The following SH3PXD2A variants were observed in gnomAD, a reference collection of about 807,000 sequenced individuals.
SH3PXD2A encodes the protein SH3 and PX domain-containing protein 2A.
SH3PXD2A carries 32 observed loss-of-function variants against 115.2 expected under a neutral mutation model. The observed-to-expected ratio is 0.28, with a 90% CI of 0.21 to 0.37. SH3PXD2A has a LOEUF of 0.37. Ranked by LOEUF, SH3PXD2A falls within the 10% of genes least tolerant of loss-of-function variation. SH3PXD2A has a pLI of 1.00. For synonymous variants in SH3PXD2A, 610 were observed against 629.1 expected (o/e 0.97, Z 0.45); for missense variants, 1,328 against 1,498.7 (o/e 0.89, Z 1.88).
chr10:103,671,332 CTT>C (rs1017151347), intron 6 of SH3PXD2A, among the ~76,000 whole-genome samples: 4 of 152,280 alleles, frequency 2.6e-5, no homozygotes, highest in Admixed American at 6.5e-5. Context: ...TCCAATAAAA[CTT>C]TATTTATAAA....
At chr10:103,616,052 G>C (rs969395024) in intron 11 of SH3PXD2A, among the ~76,000 whole-genome samples, 1 of 150,808 alleles carries the variant, frequency 6.6e-6, no homozygotes, top group African/African-American at 2.4e-5. Context: ...GGGTAGGGGC[G>C]GGGGGTGTGG....
At position 103,595,700 on chromosome 10, in the gene SH3PXD2A, G is replaced by A. The variant is rs2133893328; in HGVS notation, c.*6116C>T. The A allele has an allele frequency of 6.5e-6, 1 of 152,726 alleles. No homozygotes were observed. The highest frequency in any genetic ancestry group is 2.1e-4 in the South Asian group (1 of 4,818). 9.5% of individuals were successfully genotyped at this position (152,726 alleles called of 1,614,324 possible). On this transcript the variant is annotated 3_prime_UTR_variant, in exon 15 of 15. Coordinates refer to ENST00000369774, the MANE Select transcript of SH3PXD2A (RefSeq NM_001394015.1). ...GAGTTCTAGGACTGGAGTAGGAGAG[G>A]GTGCTGTTGTCAAGGTTAAGTGCAA...
intron 1 of SH3PXD2A, among the ~76,000 whole-genome samples, chr10:103,811,798 C>T (rs1370807001): frequency 2.0e-5 from 3 of 152,156 alleles, no homozygotes; most frequent in African/African-American, 4.8e-5. Flanking sequence ...TAAAATCAAT[C>T]GGATCAATTT....
chr10:103,750,834 A>G (rs944811550), intron 3 of SH3PXD2A, among the ~76,000 whole-genome samples: 4 of 152,320 alleles, frequency 2.6e-5, no homozygotes, highest in African/African-American at 9.6e-5. Context: ...GCAAAATGCG[A>G]CACAGCCAAT....
chr10:103,662,097 TC>T, intron 7 of SH3PXD2A: 1 of 423,246 alleles, frequency 2.4e-6, no homozygotes, highest in Non-Finnish European at 3.2e-6. Flanking sequence ...GGGCTTGTGG[TC>T]AGGCCCCGGC....
chr10:103,659,936 C>T (rs1281394553), intron 8 of SH3PXD2A, among the ~76,000 whole-genome samples: 2 of 152,166 alleles, frequency 1.3e-5, no homozygotes, highest in African/African-American at 4.8e-5. Flanking sequence ...GACTCCCTTC[C>T]CCGCAACCTC....
intron 6 of SH3PXD2A, among the ~76,000 whole-genome samples, chr10:103,688,175 T>C (rs1307154552): frequency 2.0e-5 from 3 of 152,242 alleles, no homozygotes; most frequent in Non-Finnish European, 4.4e-5. Flanking sequence ...GTGCTCTCTC[T>C]GGATTACCAA....
At chr10:103,714,336 C>T (rs2134160425) in intron 5 of SH3PXD2A, among the ~76,000 whole-genome samples, 1 of 152,342 alleles carries the variant, frequency 6.6e-6, no homozygotes, top group East Asian at 1.9e-4. Context: ...TCTACCCCCA[C>T]ACACTCCTGC....
rs75431207 is a variant in SH3PXD2A, at chr10:103,820,078, C to T, written c.73-18716G>A. On this transcript the variant is annotated intron_variant, in intron 1 of 14. Coordinates refer to ENST00000369774, the MANE Select transcript of SH3PXD2A (RefSeq NM_001394015.1). ...AGGCATTCAATGCAGGGAGCGTTAG[C>T]GACTTTTGAAAAATGAGAGAAACTA... 5.9e-3 allele frequency among the ~76,000 whole-genome samples: 895 copies of T among 152,168 alleles called. 11 individuals are homozygous for T. Among genetic ancestry groups the T allele is most frequent in the African/African-American group, 0.017 (701 of 41,506 alleles).
intron 1 of SH3PXD2A, among the ~76,000 whole-genome samples, chr10:103,823,314 C>T (rs1342807094): frequency 6.6e-6 from 1 of 152,184 alleles, no homozygotes; most frequent in East Asian, 1.9e-4. Context: ...ACCTTGAAGG[C>T]AATGCTGGCT....
chr10:103,701,228 C>A (rs977796568), intron 5 of SH3PXD2A, among the ~76,000 whole-genome samples: 1 of 146,810 alleles, frequency 6.8e-6, no homozygotes, highest in Non-Finnish European at 1.5e-5. Flanking sequence ...CATCTACCAT[C>A]CAGCCATCCA....
chr10:103,611,275 C>T (rs2036423670), intron 13 of SH3PXD2A, among the ~76,000 whole-genome samples: 1 of 152,224 alleles, frequency 6.6e-6, no homozygotes. Context: ...CTGGCAATGC[C>T]CTGGCTGGAC....
chr10:103,832,826 G>A (rs1459685759), intron 1 of SH3PXD2A, among the ~76,000 whole-genome samples: 1 of 151,952 alleles, frequency 6.6e-6, no homozygotes, highest in Non-Finnish European at 1.5e-5. Context: ...CACCAACATG[G>A]TACATGTATA....
At chr10:103,667,244 G>A (rs982286040) in intron 7 of SH3PXD2A, among the ~76,000 whole-genome samples, 3 of 152,134 alleles carry the variant, frequency 2.0e-5, no homozygotes, top group African/African-American at 7.2e-5. Flanking sequence ...ATCTTGAGAC[G>A]TGGTTAAGTG....
intron 1 of SH3PXD2A, among the ~76,000 whole-genome samples, chr10:103,831,528 T>C (rs894614249): frequency 6.6e-6 from 1 of 152,184 alleles, no homozygotes; most frequent in African/African-American, 2.4e-5. Flanking sequence ...GTCACCATTT[T>C]AACGTGTACA....
intron 2 of SH3PXD2A, among the ~76,000 whole-genome samples, chr10:103,783,482 C>T (rs576419040): frequency 1.8e-4 from 28 of 152,182 alleles, no homozygotes; most frequent in African/African-American, 6.3e-4. Flanking sequence ...GAGCTGAGGA[C>T]GAGCTGACTT....
rs2036157534 is a variant in SH3PXD2A at position 103,597,886 on chromosome 10, T to G, written c.*3930A>C. The G allele has an allele frequency of 6.6e-6, 1 of 152,476 alleles. No homozygotes were observed. Among genetic ancestry groups the G allele is most frequent in the Middle Eastern group, 3.2e-3 (1 of 316 alleles). 9.4% of individuals were successfully genotyped at this position (152,476 alleles called of 1,614,324 possible). On this transcript the variant is annotated 3_prime_UTR_variant, in exon 15 of 15. Transcript: ENST00000369774. ...CAATAACAGGAAAAATAGGGGTTAT[T>G]TTATCTTTTTCCCCTTATTAAAAAC...
At chr10:103,645,479 G>T (rs1400152722) in intron 8 of SH3PXD2A, among the ~76,000 whole-genome samples, 3 of 152,148 alleles carry the variant, frequency 2.0e-5, no homozygotes, top group African/African-American at 7.2e-5. Flanking sequence ...TGCATAATTT[G>T]CCCAGGATCA....
At chr10:103,747,531 G>A (rs984028454) in intron 3 of SH3PXD2A, among the ~76,000 whole-genome samples, 13 of 152,174 alleles carry the variant, frequency 8.5e-5, no homozygotes, top group African/African-American at 3.1e-4. Context: ...GGGGCTTGGC[G>A]AGGGGCACGA....
Sources: gnomAD v4.1 joint callset for allele counts (sites outside exome capture counted in the v4.1 genomes callset) on GRCh38, gnomAD v4.1.1 for gene constraint, MANE v1.5 for transcripts, NCBI Gene and HGNC (gene_info 2026-07-23, HGNC 2026-07-21) for gene names.